NRXN3: variants seen among roughly 807,000 people sequenced by gnomAD.
NRXN3 encodes neurexin 3.
Under a neutral mutation model 137.6 loss-of-function variants are expected in NRXN3, and 32 were observed. That is an observed-to-expected ratio of 0.23 (90% CI 0.18 to 0.31). The LOEUF is 0.31. NRXN3 is among the 10% of genes least tolerant of loss of function. The pLI is 1.00. For missense variants in NRXN3, 1,574 were observed against 2,062.5 expected, an observed-to-expected ratio of 0.76 and a Z score of 4.59; for synonymous variants, 798 against 784.5, an observed-to-expected ratio of 1.02 and a Z score of -0.29.
chr14:79,127,068 G>A (rs1364431468), intron 15 of NRXN3, among the ~76,000 whole-genome samples: 2 of 151,944 alleles, frequency 1.3e-5, no homozygotes, highest in Non-Finnish European at 2.9e-5. Flanking sequence ...GTAGATTCTG[G>A]ATATTAGCCC....
At chr14:79,195,855 T>C (rs2065059490) in intron 15 of NRXN3, among the ~76,000 whole-genome samples, 1 of 152,164 alleles carries the variant, frequency 6.6e-6, no homozygotes, top group African/African-American at 2.4e-5. Flanking sequence ...AATTGGGAAA[T>C]AAAATAGTTA....
At chr14:78,687,611 G>T (rs1243107322) in intron 6 of NRXN3, among the ~76,000 whole-genome samples, 1 of 152,178 alleles carries the variant, frequency 6.6e-6, no homozygotes, top group Non-Finnish European at 1.5e-5. Flanking sequence ...TCAGTAATTT[G>T]TATATCCCTG....
intron 19 of NRXN3, among the ~76,000 whole-genome samples, chr14:79,772,472 G>A (rs79150920): frequency 0.51 from 76,571 of 149,814 alleles, 19,721 homozygotes; most frequent in Middle Eastern, 0.64. Context: ...AAATAATGCC[G>A]CATATCTACA....
intron 4 of NRXN3, among the ~76,000 whole-genome samples, chr14:78,332,382 C>T (rs1343154680): frequency 1.3e-5 from 2 of 148,360 alleles, no homozygotes; most frequent in Admixed American, 1.3e-4. Context: ...GTGGCATGAT[C>T]TCAGCTCACT....
intron 10 of NRXN3, among the ~76,000 whole-genome samples, chr14:78,938,874 T>G: frequency 6.9e-6 from 1 of 145,904 alleles, no homozygotes; most frequent in Admixed American, 6.9e-5. Context: ...TGAGATGGAG[T>G]CTCGCTGTCG....
chr14:79,623,022 C>G (rs186674108), intron 16 of NRXN3, among the ~76,000 whole-genome samples: 126 of 152,214 alleles, frequency 8.3e-4, no homozygotes, highest in African/African-American at 3.0e-3. Flanking sequence ...GTGATATTGG[C>G]AAATACTATG....
rs57188919 is a variant in NRXN3, at chr14:79,173,530, C to CAAAAA, written c.3262+185408_3262+185412dup. 1.5e-3 allele frequency among the ~76,000 whole-genome samples: 137 copies of CAAAAA among 90,966 alleles called. 2 individuals carry two copies. The highest frequency in any genetic ancestry group is 0.012 in the East Asian group (36 of 3,008). The allele number at this position is 90,966 out of a possible 152,430, so 59.7% of individuals were successfully genotyped here. A position where few individuals can be genotyped will look rare whatever the true frequency, so the allele number is the denominator to read the frequency against. Reference sequence around the variant, plus strand: ...TAGGTGACAGAGCAAGACCTTGTCTCAAAAAAAAAAAAAAAAAAAAAAATT... The same window carrying CAAAAA: ...TAGGTGACAGAGCAAGACCTTGTCTCAAAAAAAAAAAAAAAAAAAAAAAAAAAATT... On this transcript the variant is annotated intron_variant, in intron 15 of 20. Coordinates refer to ENST00000335750, the MANE Select transcript of NRXN3 (RefSeq NM_001330195.2).
chr14:78,714,945 A>G lies in NRXN3; in HGVS notation c.1850A>G (p.Asp617Gly), dbSNP rs202245705. ...YVGCIRDLFI[D>G]GRSKNIRQLA... is the part of the protein sequence containing the mutation. ...GGCTGCATCCGCGACCTATTCATTG[A>G]TGGGCGCAGCAAGAACATTCGACAG... is the stretch of plus-strand genomic sequence containing the variant. The change falls in exon 8 of 21, where the codon GAT becomes GGT. Residue 617 changes from aspartate to glycine, a missense_variant. Asp to Gly is a moderately conservative substitution (Grantham distance 94). This residue lies in a region of NRXN3 where 718 missense variants were observed against 887.6 expected (regional missense o/e 0.81). Transcript: ENST00000335750. 3.5e-5 allele frequency: 57 copies of G among 1,613,964 alleles called. 1 individual carries two copies. Among genetic ancestry groups the G allele is most frequent in the Non-Finnish European group, 3.3e-5 (39 of 1,180,010 alleles).
Position 79,011,989 on chromosome 14 carries a change from C to T in NRXN3, c.3262+23848C>T, listed in dbSNP as rs965132043. ...ACACTGATTTGACTCATTCCATTAC[C>T]ATGCAAGAATTTTATTTGTTGACTG... On this transcript the variant is annotated intron_variant, in intron 15 of 20. Transcript: ENST00000335750. Among the ~76,000 whole-genome samples, 13 of 152,262 alleles carry T rather than the reference C, an allele frequency of 8.5e-5. No homozygotes were observed. The South Asian group carries it at 2.5e-3, about 29-fold the overall frequency.
intron 15 of NRXN3, among the ~76,000 whole-genome samples, chr14:79,119,305 TTC>T (rs1411515214): frequency 5.9e-5 from 9 of 152,184 alleles, no homozygotes; most frequent in Non-Finnish European, 1.3e-4. Flanking sequence ...TAGTTGTTGC[TTC>T]TCTAATATGA....
chr14:79,032,690 T>A (rs1368925664), intron 15 of NRXN3, among the ~76,000 whole-genome samples: 2 of 152,208 alleles, frequency 1.3e-5, no homozygotes, highest in Non-Finnish European at 2.9e-5. Context: ...ATTTAGTTAG[T>A]TCTTCTAGCA....
chr14:78,426,869 G>A (rs2093684289), intron 4 of NRXN3, among the ~76,000 whole-genome samples: 1 of 152,106 alleles, frequency 6.6e-6, no homozygotes, highest in East Asian at 1.9e-4. Context: ...CAGACCATGG[G>A]AACTGAGCCT....
intron 19 of NRXN3, among the ~76,000 whole-genome samples, chr14:79,779,827 T>G (rs2099108350): frequency 6.6e-6 from 1 of 152,184 alleles, no homozygotes; most frequent in Non-Finnish European, 1.5e-5. Context: ...AACACCATGT[T>G]CAATGGGCAT....
At chr14:79,348,944 T>C (rs1231948559) in intron 15 of NRXN3, among the ~76,000 whole-genome samples, 4 of 152,184 alleles carry the variant, frequency 2.6e-5, no homozygotes, top group Admixed American at 2.0e-4. Flanking sequence ...CTTGATGGAG[T>C]TGCTTAATGC....
intron 4 of NRXN3, among the ~76,000 whole-genome samples, chr14:78,444,794 C>G (rs577629263): frequency 7.3e-5 from 11 of 151,704 alleles, no homozygotes; most frequent in Admixed American, 3.9e-4. Context: ...TGGTGGATAC[C>G]TGTAATCCCA....
chr14:79,308,169 A>T (rs1316528944), intron 15 of NRXN3, among the ~76,000 whole-genome samples: 5 of 149,850 alleles, frequency 3.3e-5, no homozygotes, highest in Non-Finnish European at 7.4e-5. Context: ...GAGGGGTGTT[A>T]GGACTTAGGG....
intron 15 of NRXN3, among the ~76,000 whole-genome samples, chr14:79,254,314 C>T (rs2076304417): frequency 6.6e-6 from 1 of 152,158 alleles, no homozygotes; most frequent in African/African-American, 2.4e-5. Flanking sequence ...CATTCTATGG[C>T]AGAAACTCGC....
intron 8 of NRXN3, among the ~76,000 whole-genome samples, chr14:78,715,465 A>G (rs1455572365): frequency 6.6e-6 from 1 of 152,184 alleles, no homozygotes; most frequent in African/African-American, 2.4e-5. Flanking sequence ...TTATTCATTC[A>G]TTTGACTTGT....
chr14:78,508,274 A>G (rs1434465590), intron 4 of NRXN3, among the ~76,000 whole-genome samples: 1 of 152,218 alleles, frequency 6.6e-6, no homozygotes, highest in Non-Finnish European at 1.5e-5. Flanking sequence ...CTGGTGATGT[A>G]TCGCATACAA....
Sources: gnomAD v4.1 joint callset for allele counts (sites outside exome capture counted in the v4.1 genomes callset) on GRCh38, gnomAD v4.1.1 for gene constraint, gnomAD v4.1.1 regional missense constraint, MANE v1.5 for transcripts, NCBI Gene and HGNC (gene_info 2026-07-23, HGNC 2026-07-21) for gene names.